Variants in NSUN6 observed in about 807,000 individuals in gnomAD.
NSUN6 encodes the protein tRNA (cytosine(72)-C(5))-methyltransferase NSUN6.
A neutral mutation model predicts 58.0 loss-of-function variants in NSUN6; 64 were observed. The ratio of observed to expected loss-of-function variants is 1.10; its 90% confidence interval spans 0.90 to 1.36. NSUN6 has a LOEUF of 1.36. Among genes scored for constraint, NSUN6 ranks in the 40% most tolerant of loss-of-function variants. The probability of loss-of-function intolerance (pLI) is 0.00; values close to 1 mark genes in which losing one functional copy is unlikely to be tolerated. For missense variants in NSUN6, 701 were observed against 550.1 expected (o/e 1.27, Z -2.74); for synonymous variants, 231 against 193.9 (o/e 1.19, Z -1.59).
At chr10:18,626,217 C>T (rs555770436) in intron 3 of NSUN6, among the ~76,000 whole-genome samples, 1 of 150,926 alleles carries the variant, frequency 6.6e-6, no homozygotes, top group East Asian at 2.0e-4. Context: ...AACAATGTTA[C>T]AAAGCTTGAC....
At position 18,545,849 on chromosome 10, in the gene NSUN6, G is replaced by A; in HGVS notation, c.*84C>T. 1 of 742,768 alleles carries A rather than the reference G, an allele frequency of 1.3e-6. No homozygotes were observed. 46.0% of individuals were successfully genotyped at this position (742,768 alleles called of 1,614,324 possible). A position where few individuals can be genotyped will look rare whatever the true frequency, so the allele number is the denominator to read the frequency against. On this transcript the variant is annotated 3_prime_UTR_variant, in exon 11 of 11. Transcript: ENST00000377304. ...ATAGCAACCACATCATCATTCAGTT[G>A]GCCTGACAACACTTTGGTTAAAAAA...
intron 2 of NSUN6, 92 bp from the exon 3 acceptor site, chr10:18,642,647 G>A: frequency 4.5e-6 from 3 of 673,246 alleles, no homozygotes; most frequent in Non-Finnish European, 8.0e-6. Context: ...ACCACAGCAT[G>A]AAGCCCTAGT....
At chr10:18,627,770 C>T (rs1252207688) in intron 3 of NSUN6, among the ~76,000 whole-genome samples, 1 of 152,248 alleles carries the variant, frequency 6.6e-6, no homozygotes, top group Non-Finnish European at 1.5e-5. Context: ...CCCACGGAGT[C>T]TCGCTGATTG....
At chr10:18,598,000 C>T (rs1219463125) in intron 6 of NSUN6, among the ~76,000 whole-genome samples, 2 of 152,156 alleles carry the variant, frequency 1.3e-5, no homozygotes, top group African/African-American at 4.8e-5. Context: ...GCCATAATAT[C>T]CCCTGTGACC....
intron 10 of NSUN6, 21 bp downstream of exon 10, chr10:18,548,091 G>T: frequency 6.2e-7 from 1 of 1,611,764 alleles, no homozygotes; most frequent in Non-Finnish European, 8.5e-7. Context: ...ATTACACAGA[G>T]AAAAATGAAA....
At chr10:18,550,379 C>G (rs2054524991) in intron 9 of NSUN6, among the ~76,000 whole-genome samples, 1 of 152,084 alleles carries the variant, frequency 6.6e-6, no homozygotes, top group African/African-American at 2.4e-5. Flanking sequence ...AAAGGAAACA[C>G]CAGGAGAGTT....
At chr10:18,575,136 A>G (rs2056585016) in intron 8 of NSUN6, among the ~76,000 whole-genome samples, 1 of 152,202 alleles carries the variant, frequency 6.6e-6, no homozygotes, top group East Asian at 1.9e-4. Context: ...GTCTTACCCT[A>G]ACTACATCAA....
intron 3 of NSUN6, among the ~76,000 whole-genome samples, chr10:18,635,597 G>A (rs1196842544): frequency 1.3e-5 from 2 of 152,130 alleles, no homozygotes; most frequent in East Asian, 3.9e-4. Flanking sequence ...AGTACTTTGG[G>A]AAGCCAAGGT....
intron 6 of NSUN6, 118 bp downstream of exon 6, chr10:18,609,727 T>A (rs371645536): frequency 1.1e-5 from 6 of 554,378 alleles, no homozygotes; most frequent in East Asian, 6.0e-5. Flanking sequence ...CAAAGGTAGA[T>A]CAGTGTATGT....
chr10:18,606,264 G>C (rs2058044362), intron 6 of NSUN6, among the ~76,000 whole-genome samples: 1 of 152,020 alleles, frequency 6.6e-6, no homozygotes, highest in African/African-American at 2.4e-5. Flanking sequence ...CCCTGATAAG[G>C]ACACTTCATC....
chr10:18,607,450 TA>T (rs2058085213), intron 6 of NSUN6, among the ~76,000 whole-genome samples: 1 of 152,220 alleles, frequency 6.6e-6, no homozygotes, highest in Admixed American at 6.5e-5. Flanking sequence ...ATTTAGATTT[TA>T]TGGATCAGGT....
In NSUN6 at chr10:18,546,723, C is replaced by CA. The variant is rs577944869; in HGVS notation, c.1198-579dup. ...TGACACCCTGTCTCTACCAAAAATA[C>CA]AAAAATTAGCCAGGTGTGGTGGTGC... On this transcript the variant is annotated intron_variant, in intron 10 of 10. Transcript: ENST00000377304. Among the ~76,000 whole-genome samples, 594 of 151,978 alleles carry CA rather than the reference C, an allele frequency of 3.9e-3. 7 individuals carry two copies. Among genetic ancestry groups the CA allele is most frequent in the African/African-American group, 0.014 (569 of 41,464 alleles).
At chr10:18,629,576 G>GAA (rs760321487) in intron 3 of NSUN6, among the ~76,000 whole-genome samples, 25 of 128,936 alleles carry the variant, frequency 1.9e-4, no homozygotes, top group East Asian at 8.9e-4. Flanking sequence ...CAAGCTAATG[G>GAA]AAAACAAAAA....
At chr10:18,615,194 A>G (rs796681923) in intron 4 of NSUN6, among the ~76,000 whole-genome samples, 18 of 152,088 alleles carry the variant, frequency 1.2e-4, no homozygotes, top group African/African-American at 3.6e-4. Context: ...TACAGTATAC[A>G]GTGTACAGAG....
chr10:18,569,062 A>G (rs2056174877), intron 8 of NSUN6, among the ~76,000 whole-genome samples: 1 of 146,560 alleles, frequency 6.8e-6, no homozygotes, highest in Non-Finnish European at 1.5e-5. Context: ...TCAATTCTCC[A>G]TTTCATTCCA....
At chr10:18,623,704 G>A (rs2131407921) in intron 3 of NSUN6, among the ~76,000 whole-genome samples, 1 of 152,254 alleles carries the variant, frequency 6.6e-6, no homozygotes, top group East Asian at 1.9e-4. Flanking sequence ...AAGCAGCCCA[G>A]GAAAGAGAAA....
At chr10:18,559,572 A>C (rs1056265754) in intron 8 of NSUN6, among the ~76,000 whole-genome samples, 1 of 150,690 alleles carries the variant, frequency 6.6e-6, no homozygotes, top group African/African-American at 2.4e-5. Context: ...TGGAATGGAG[A>C]ATGCAATAGA....
intron 2 of NSUN6, among the ~76,000 whole-genome samples, chr10:18,645,847 A>G (rs2059530843): frequency 6.6e-6 from 1 of 152,184 alleles, no homozygotes; most frequent in Admixed American, 6.5e-5. Flanking sequence ...ATGTTTGAAG[A>G]TTCCAGCTTC....
chr10:18,600,384 A>G (rs10828983), intron 6 of NSUN6, among the ~76,000 whole-genome samples: 34,307 of 151,998 alleles, frequency 0.23, 4,899 homozygotes, highest in East Asian at 0.74. Flanking sequence ...CAGCACTTTC[A>G]GAGGCCTAGG....
Sources: gnomAD v4.1 joint callset for allele counts (sites outside exome capture counted in the v4.1 genomes callset) on GRCh38, gnomAD v4.1.1 for gene constraint, MANE v1.5 for transcripts, NCBI Gene and HGNC (gene_info 2026-07-23, HGNC 2026-07-21) for gene names.